DLC1: variants seen among roughly 807,000 people sequenced by gnomAD.
DLC1 encodes the protein rho GTPase-activating protein 7.
Under a neutral mutation model 140.3 loss-of-function variants are expected in DLC1, and 54 were observed. The ratio of observed to expected loss-of-function variants is 0.38; its 90% CI spans 0.31 to 0.48. The LOEUF is 0.48. Ranked by LOEUF, DLC1 falls within the 20% of genes least tolerant of loss-of-function variation. The pLI is 0.96. For synonymous variants in DLC1, 986 were observed against 728.1 expected (o/e 1.35, Z -5.70); for missense variants, 2,536 against 1,907.0 (o/e 1.33, Z -6.14).
intron 1 of DLC1, among the ~76,000 whole-genome samples, chr8:13,524,294 T>C (rs901969519): frequency 5.9e-5 from 9 of 151,692 alleles, no homozygotes; most frequent in African/African-American, 1.9e-4. Context: ...CCCACCACCA[T>C]ACCAAGCTAA....
At chr8:13,155,050 C>T (rs548081352) in intron 5 of DLC1, among the ~76,000 whole-genome samples, 2 of 151,848 alleles carry the variant, frequency 1.3e-5, no homozygotes, top group South Asian at 2.1e-4. Flanking sequence ...TAGGCATTCT[C>T]ATTCTGTAAC....
chr8:13,237,341 TACAC>T (rs1254556555), intron 5 of DLC1, among the ~76,000 whole-genome samples: 1 of 147,928 alleles, frequency 6.8e-6, no homozygotes, highest in Non-Finnish European at 1.5e-5. Flanking sequence ...TATATATATA[TACAC>T]ACACACACGT....
intron 1 of DLC1, among the ~76,000 whole-genome samples, chr8:13,524,232 G>A (rs1469249798): frequency 6.6e-6 from 1 of 151,222 alleles, no homozygotes; most frequent in Non-Finnish European, 1.5e-5. Context: ...CCGCCTTCAG[G>A]GTTCAAGTAA....
chr8:13,506,544 GAC>G lies in DLC1; in HGVS notation c.-125-6350_-125-6349del, dbSNP rs1286418920. On this transcript the variant is annotated intron_variant, in intron 1 of 17. Transcript: ENST00000276297. ...TGCTTTATACACATACACACACATG[GAC>G]ACACACACACACACACACACATGTG... 2.0e-3 allele frequency among the ~76,000 whole-genome samples: 260 copies of G among 127,644 alleles called. 1 individual carries two copies. Among genetic ancestry groups the G allele is most frequent in the Middle Eastern group, 9.1e-3 (2 of 220 alleles). The allele number at this position is 127,644 out of a possible 152,430, so 83.7% of individuals were successfully genotyped here. A position where few individuals can be genotyped will look rare whatever the true frequency, so the allele number is the denominator to read the frequency against.
intron 1 of DLC1, among the ~76,000 whole-genome samples, chr8:13,576,334 A>G (rs895326451): frequency 2.6e-5 from 4 of 152,176 alleles, no homozygotes; most frequent in Non-Finnish European, 4.4e-5. Flanking sequence ...AGGATCACCA[A>G]TGGGAGTGCC....
chr8:13,133,309 A>G lies in DLC1; in HGVS notation c.1349-17652T>C, dbSNP rs17553586. 0.25 allele frequency: 300,408 copies of G among 1,213,560 alleles called. 38,178 individuals are homozygous for G. Among genetic ancestry groups the G allele is most frequent in the Admixed American group, 0.42 (9,234 of 21,770 alleles). 75.2% of individuals were successfully genotyped at this position (1,213,560 alleles called of 1,614,324 possible). ...CGAACTGTCTCCCGCGCGCTCCGCC[A>G]GCCGGGCCCTCCCGCTGGGCCCACC... On this transcript the variant is annotated intron_variant, in intron 5 of 17. Transcript: ENST00000276297.
At chr8:13,591,942 T>A (rs1159864764) in intron 1 of DLC1, among the ~76,000 whole-genome samples, 1 of 152,078 alleles carries the variant, frequency 6.6e-6, no homozygotes, top group African/African-American at 2.4e-5. Flanking sequence ...ACCTTGGATA[T>A]TCTTGTGGAG....
intron 4 of DLC1, among the ~76,000 whole-genome samples, chr8:13,348,233 C>T (rs1236087659): frequency 6.6e-6 from 1 of 152,092 alleles, no homozygotes; most frequent in African/African-American, 2.4e-5. Flanking sequence ...AGCCTGGCTT[C>T]CGTGTGAGTA....
chr8:13,289,265 G>A (rs558103613), intron 5 of DLC1, among the ~76,000 whole-genome samples: 19 of 152,212 alleles, frequency 1.2e-4, no homozygotes, highest in South Asian at 4.2e-4. Context: ...GCAGTGGTGT[G>A]ATCATAGCTC....
At chr8:13,280,767 A>G (rs954749116) in intron 5 of DLC1, among the ~76,000 whole-genome samples, 1 of 152,222 alleles carries the variant, frequency 6.6e-6, no homozygotes, top group Non-Finnish European at 1.5e-5. Context: ...AGGACTACCT[A>G]AAGTGCTGGA....
intron 5 of DLC1, among the ~76,000 whole-genome samples, chr8:13,258,749 C>G (rs1228196473): frequency 6.6e-6 from 1 of 152,108 alleles, no homozygotes; most frequent in Non-Finnish European, 1.5e-5. Context: ...ATTTCATTTC[C>G]TGTTTGTACG....
chr8:13,240,166 C>G (rs1235972278), intron 5 of DLC1, among the ~76,000 whole-genome samples: 4 of 152,042 alleles, frequency 2.6e-5, no homozygotes, highest in African/African-American at 9.7e-5. Flanking sequence ...CTCTGGAGAC[C>G]TGGGCATATC....
intron 4 of DLC1, among the ~76,000 whole-genome samples, chr8:13,370,464 C>G (rs1342257835): frequency 6.6e-6 from 1 of 152,080 alleles, no homozygotes; most frequent in Admixed American, 6.6e-5. Context: ...AACCACCTGT[C>G]TGTGGGTTAC....
chr8:13,586,537 G>GT, intron 1 of DLC1, among the ~76,000 whole-genome samples: 1 of 150,862 alleles, frequency 6.6e-6, no homozygotes, highest in Non-Finnish European at 1.5e-5. Context: ...AATGAATTGA[G>GT]TTTTTTTAAT....
chr8:13,301,179 A>G (rs1434509069), intron 5 of DLC1, among the ~76,000 whole-genome samples: 1 of 152,006 alleles, frequency 6.6e-6, no homozygotes, highest in African/African-American at 2.4e-5. Flanking sequence ...TTTTTTGAAA[A>G]TCAAATGTTA....
chr8:13,575,112 C>T (rs1267986165), intron 1 of DLC1, among the ~76,000 whole-genome samples: 1 of 152,130 alleles, frequency 6.6e-6, no homozygotes. Context: ...CAGAAATTTT[C>T]CAACTGGCAG....
chr8:13,297,568 G>A (rs1832014116), intron 5 of DLC1, among the ~76,000 whole-genome samples: 1 of 152,090 alleles, frequency 6.6e-6, no homozygotes, highest in South Asian at 2.1e-4. Context: ...AATAATACCA[G>A]GCATTGGGAG....
At chr8:13,198,823 T>C (rs1827214737) in intron 5 of DLC1, among the ~76,000 whole-genome samples, 1 of 151,862 alleles carries the variant, frequency 6.6e-6, no homozygotes. Context: ...TTCAAGCGAT[T>C]CTCCTGCCTC....
intron 1 of DLC1, among the ~76,000 whole-genome samples, chr8:13,511,470 TA>T (rs1802363211): frequency 6.6e-6 from 1 of 152,164 alleles, no homozygotes; most frequent in Non-Finnish European, 1.5e-5. Flanking sequence ...TCTTAAAAAT[TA>T]GCCCATTTAT....
Sources: gnomAD v4.1 joint callset for allele counts (sites outside exome capture counted in the v4.1 genomes callset) on GRCh38, gnomAD v4.1.1 for gene constraint, MANE v1.5 for transcripts, NCBI Gene and HGNC (gene_info 2026-07-23, HGNC 2026-07-21) for gene names.